RASA2: variants seen among roughly 807,000 people sequenced by gnomAD.
RASA2 encodes the protein RAS p21 protein activator 2, also known as ras GTPase-activating protein 2.
In RASA2, 155 loss-of-function variants were observed where a neutral mutation model predicts 118.2. The ratio of observed to expected loss-of-function variants is 1.31; its 90% CI spans 1.15 to 1.50. The LOEUF is 1.50. Ranked by LOEUF, RASA2 falls within the 40% of genes most tolerant of loss-of-function variation. The pLI is 0.00. For synonymous variants in RASA2, 353 were observed against 349.1 expected, an observed-to-expected ratio of 1.01 and a Z score of -0.12; for missense variants, 1,016 against 1,009.6, an observed-to-expected ratio of 1.01 and a Z score of -0.09.
chr3:141,564,204 C>T (rs1028917494), intron 9 of RASA2, among the ~76,000 whole-genome samples: 4 of 152,128 alleles, frequency 2.6e-5, no homozygotes, highest in East Asian at 1.9e-4. Flanking sequence ...TGGTAATTTT[C>T]AGTTATATGA....
intron 1 of RASA2, among the ~76,000 whole-genome samples, chr3:141,503,657 C>T (rs185270096): frequency 1.5e-4 from 23 of 152,268 alleles, no homozygotes; most frequent in African/African-American, 5.3e-4. Flanking sequence ...GGTGCCCATA[C>T]TTATTAGTAT....
intron 6 of RASA2, 124 bp downstream of exon 6, chr3:141,554,064 A>G: frequency 7.1e-7 from 1 of 1,408,732 alleles, no homozygotes; most frequent in Non-Finnish European, 9.3e-7. Context: ...AAATGCTTTG[A>G]AAGAAAAATC....
intron 19 of RASA2, among the ~76,000 whole-genome samples, chr3:141,596,858 A>T (rs1344961326): frequency 6.6e-6 from 1 of 152,230 alleles, no homozygotes; most frequent in East Asian, 1.9e-4. Flanking sequence ...AATGTAAAAT[A>T]GGGGCTTTGA....
Position 141,571,511 on chromosome 3 carries a change from C to G in RASA2, c.1126C>G (p.Pro376Ala). 2 of 1,612,498 alleles carry G rather than the reference C, an allele frequency of 1.2e-6. No homozygotes were observed. Among genetic ancestry groups the G allele is most frequent in the Non-Finnish European group, 1.7e-6 (2 of 1,179,166 alleles). Residue 376 changes from proline (P) to alanine (A), a missense_variant, in exon 11 of 24, where the codon CCT (proline) becomes GCT (alanine). By Grantham distance (27) the Pro-to-Ala change is conservative. Transcript: ENST00000286364. ...RLLLHHDKLV[P>A]FATAVAELDL... is the part of the protein sequence containing the mutation. ...GCTGCTGCACCATGATAAACTTGTT[C>G]CTTTTGCCACTGCTGTGGCTGAATT...
At chr3:141,521,838 T>C (rs2082115404) in intron 3 of RASA2, among the ~76,000 whole-genome samples, 3 of 152,044 alleles carry the variant, frequency 2.0e-5, no homozygotes, top group South Asian at 4.1e-4. Flanking sequence ...GTTTTACTTA[T>C]ACATTTTTAA....
In RASA2 at chr3:141,497,898, A is replaced by G. The variant is rs982753407; in HGVS notation, c.133+10682A>G. Among the ~76,000 whole-genome samples the G allele has an allele frequency of 9.2e-5, 14 of 152,204 alleles. No homozygotes were observed. In the East Asian group the frequency reaches 1.9e-3, roughly 21 times the overall value. On this transcript the variant is annotated intron_variant, in intron 1 of 23. Coordinates refer to ENST00000286364, the MANE Select transcript of RASA2 (RefSeq NM_006506.5). ...AAAAAAAAAAAAAAGTAGAAATAAT[A>G]CAGCAAATTCTTATATACTTTGCCT...
intron 17 of RASA2, among the ~76,000 whole-genome samples, chr3:141,584,837 G>C (rs1457314114): frequency 6.6e-6 from 1 of 151,810 alleles, no homozygotes; most frequent in Non-Finnish European, 1.5e-5. Flanking sequence ...TTGGATTTTG[G>C]ATTTTTTTCA....
At chr3:141,580,959 G>A in intron 16 of RASA2, 141 bp from the exon 17 acceptor site, 2 of 838,740 alleles carry the variant, frequency 2.4e-6, no homozygotes, top group Non-Finnish European at 3.3e-6. Context: ...TTTGAAAGAA[G>A]TCTTCCACTC....
chr3:141,513,752 C>T (rs968348650), intron 2 of RASA2, among the ~76,000 whole-genome samples: 1 of 152,162 alleles, frequency 6.6e-6, no homozygotes, highest in African/African-American at 2.4e-5. Context: ...TCAGATATGA[C>T]TTCTGTAGGA....
At chr3:141,487,533 C>G (rs1276811791) in intron 1 of RASA2, among the ~76,000 whole-genome samples, 1 of 151,194 alleles carries the variant, frequency 6.6e-6, no homozygotes, top group Non-Finnish European at 1.5e-5. Flanking sequence ...CGCTGGAGTC[C>G]GGGGCGCGGC....
intron 1 of RASA2, among the ~76,000 whole-genome samples, chr3:141,488,649 G>C (rs576519378): frequency 6.6e-5 from 10 of 152,140 alleles, no homozygotes; most frequent in Non-Finnish European, 1.0e-4. Flanking sequence ...TTACTTTCTA[G>C]GGCATAAAAC....
At chr3:141,546,653 G>A (rs1248496806) in intron 5 of RASA2, among the ~76,000 whole-genome samples, 2 of 152,120 alleles carry the variant, frequency 1.3e-5, no homozygotes, top group Non-Finnish European at 2.9e-5. Flanking sequence ...TCTTCACTTT[G>A]TTGATCCTTC....
intron 9 of RASA2, among the ~76,000 whole-genome samples, chr3:141,567,047 A>G (rs1286130210): frequency 1.3e-5 from 2 of 152,162 alleles, no homozygotes; most frequent in Admixed American, 6.5e-5. Flanking sequence ...TTACTTTACT[A>G]CTGGGCTTTG....
intron 1 of RASA2, among the ~76,000 whole-genome samples, chr3:141,497,227 C>T (rs929391809): frequency 2.7e-5 from 4 of 148,962 alleles, no homozygotes; most frequent in Admixed American, 2.7e-4. Context: ...ATGTAAATGA[C>T]GAATTAATGG....
intron 4 of RASA2, among the ~76,000 whole-genome samples, chr3:141,534,971 C>T (rs568784882): frequency 1.3e-5 from 2 of 152,174 alleles, no homozygotes; most frequent in South Asian, 4.2e-4. Flanking sequence ...ATCAGAAACT[C>T]CGAAGTTGGG....
At chr3:141,509,547 T>C (rs2081918867) in intron 1 of RASA2, among the ~76,000 whole-genome samples, 1 of 152,216 alleles carries the variant, frequency 6.6e-6, no homozygotes, top group Non-Finnish European at 1.5e-5. Context: ...ATGGTCTAAT[T>C]CCAAATTTTT....
At chr3:141,522,233 A>G (rs936220818) in intron 3 of RASA2, among the ~76,000 whole-genome samples, 1 of 152,072 alleles carries the variant, frequency 6.6e-6, no homozygotes, top group Non-Finnish European at 1.5e-5. Context: ...TCTTTCTGAT[A>G]GAATCAGGAT....
intron 19 of RASA2, chr3:141,600,157 C>T (rs2107792414): frequency 6.7e-6 from 2 of 298,630 alleles, no homozygotes; most frequent in South Asian, 6.8e-5. Flanking sequence ...AAACAGTTGA[C>T]TCCAAACACA....
chr3:141,567,760 A>T (rs975182206), intron 9 of RASA2, among the ~76,000 whole-genome samples: 17 of 152,218 alleles, frequency 1.1e-4, no homozygotes, highest in African/African-American at 4.1e-4. Flanking sequence ...ACTCTTCCTC[A>T]GTATAAGTAA....
Sources: allele counts gnomAD v4.1 joint callset (sites outside exome capture counted in the v4.1 genomes callset), GRCh38; gene constraint gnomAD v4.1.1; transcripts MANE v1.5; gene names NCBI Gene and HGNC (gene_info 2026-07-23, HGNC 2026-07-21).